ZNF334: variants seen among roughly 807,000 people sequenced by gnomAD.
ZNF334 encodes zinc finger protein 334.
In ZNF334, 14 loss-of-function variants were observed where a neutral mutation model predicts 12.4. That is an observed-to-expected ratio of 1.13 (90% confidence interval 0.74 to 1.76). The LOEUF (loss-of-function observed/expected upper bound fraction) is 1.76. Among genes scored for constraint, ZNF334 ranks in the 40% most tolerant of loss-of-function variants. The pLI is 0.00. For synonymous variants in ZNF334, 273 were observed against 269.6 expected, an observed-to-expected ratio of 1.01 and a Z score of -0.12; for missense variants, 797 against 804.5, an observed-to-expected ratio of 0.99 and a Z score of 0.11.
the ZNF334 span, among the ~76,000 whole-genome samples, chr20:46,478,392 G>C: frequency 6.6e-6 from 1 of 152,164 alleles, no homozygotes; most frequent in Non-Finnish European, 1.5e-5. Flanking sequence ...ACTGGCAATT[G>C]GTTGAAAGGA....
At chr20:46,504,999 T>C (rs778556574) in intron 2 of ZNF334, 2 of 322,590 alleles carry the variant, frequency 6.2e-6, no homozygotes, top group South Asian at 1.2e-4. Flanking sequence ...TCTTACTCTT[T>C]AGGAGCATAC....
intron 2 of ZNF334, among the ~76,000 whole-genome samples, chr20:46,509,002 T>A (rs971599460): frequency 6.6e-6 from 1 of 152,198 alleles, no homozygotes; most frequent in Admixed American, 6.5e-5. Flanking sequence ...CAAATGGCAA[T>A]GCTATGTACA....
chr20:46,483,589 A>G, the ZNF334 span, among the ~76,000 whole-genome samples: 1 of 152,178 alleles, frequency 6.6e-6, no homozygotes, highest in African/African-American at 2.4e-5. Context: ...ACTAAGGGAT[A>G]TTCAGTTATT....
intron 2 of ZNF334, 50 bp downstream of exon 2, chr20:46,512,032 C>T (rs775569697): frequency 1.3e-6 from 2 of 1,592,946 alleles, no homozygotes; most frequent in East Asian, 4.5e-5. Flanking sequence ...TACTCTAAAC[C>T]TCTTGAAATT....
At chr20:46,468,532 G>A in the ZNF334 span, among the ~76,000 whole-genome samples, 34 of 151,430 alleles carry the variant, frequency 2.2e-4, no homozygotes, top group Non-Finnish European at 3.8e-4. Flanking sequence ...TGATTCACCC[G>A]CCTCAGCCTC....
chr20:46,488,422 TATATA>T, the ZNF334 span, among the ~76,000 whole-genome samples: 1 of 118,670 alleles, frequency 8.4e-6, no homozygotes. Flanking sequence ...TCTTATTTTA[TATATA>T]TATATATATA....
At chr20:46,487,089 C>T in the ZNF334 span, among the ~76,000 whole-genome samples, 1 of 152,190 alleles carries the variant, frequency 6.6e-6, no homozygotes, top group Admixed American at 6.5e-5. Flanking sequence ...TCTGGGGCTT[C>T]TCTTGATCAG....
At chr20:46,486,724 A>G in the ZNF334 span, among the ~76,000 whole-genome samples, 1 of 151,834 alleles carries the variant, frequency 6.6e-6, no homozygotes, top group Non-Finnish European at 1.5e-5. Context: ...TAGTTTGACA[A>G]AACGTACCCA....
chr20:46,466,136 T>C, the ZNF334 span, among the ~76,000 whole-genome samples: 4 of 151,984 alleles, frequency 2.6e-5, no homozygotes, highest in Non-Finnish European at 5.9e-5. Flanking sequence ...AATATAGAGA[T>C]AATATAAAAA....
At chr20:46,506,662 A>G (rs1601049620) in intron 2 of ZNF334, 1 of 250,874 alleles carries the variant, frequency 4.0e-6, no homozygotes, top group East Asian at 7.2e-5. Context: ...ATGTGAAAAA[A>G]AATTATGGAA....
At chr20:46,487,939 T>G in the ZNF334 span, among the ~76,000 whole-genome samples, 1 of 152,166 alleles carries the variant, frequency 6.6e-6, no homozygotes, top group African/African-American at 2.4e-5. Flanking sequence ...CCTGGCAATG[T>G]CTGGGTGATC....
chr20:46,473,494 CTAACTA>C, the ZNF334 span, among the ~76,000 whole-genome samples: 2 of 152,188 alleles, frequency 1.3e-5, no homozygotes, highest in African/African-American at 4.8e-5. Flanking sequence ...AAGAACTGCT[CTAACTA>C]TACCTTGATA....
At chr20:46,493,090 GAA>G in the ZNF334 span, among the ~76,000 whole-genome samples, 150 of 141,992 alleles carry the variant, frequency 1.1e-3, 1 homozygote, top group Middle Eastern at 3.5e-3. Flanking sequence ...TCTGTCTTTA[GAA>G]AAAAAAAAAA....
chr20:46,509,732 G>A, intron 2 of ZNF334: 1 of 697,462 alleles, frequency 1.4e-6, no homozygotes, highest in South Asian at 1.5e-5. Flanking sequence ...ACACCTCATG[G>A]TGTGTGGTTT....
intron 2 of ZNF334, among the ~76,000 whole-genome samples, chr20:46,507,414 T>C (rs1014053663): frequency 2.6e-5 from 4 of 152,108 alleles, no homozygotes; most frequent in Non-Finnish European, 5.9e-5. Flanking sequence ...GGTTGGATCC[T>C]TGAACTGAAA....
At chr20:46,474,354 G>A in the ZNF334 span, 6 of 149,968 alleles carry the variant, frequency 4.0e-5, no homozygotes, top group South Asian at 4.3e-4. Context: ...CATTCCAGCT[G>A]GGGCAACAGA....
At chr20:46,468,526 T>C in the ZNF334 span, among the ~76,000 whole-genome samples, 1 of 151,922 alleles carries the variant, frequency 6.6e-6, no homozygotes, top group African/African-American at 2.4e-5. Context: ...CTCAGGTGAT[T>C]CACCCGCCTC....
rs537567233 is a variant in ZNF334, at chr20:46,513,104, C to A, written c.-603G>T. 7 of 152,392 alleles carry A rather than the reference C, an allele frequency of 4.6e-5. No individual in the cohort carries two copies. Among genetic ancestry groups the A allele is most frequent in the African/African-American group, 1.7e-4 (7 of 41,564 alleles). 9.4% of individuals were successfully genotyped at this position (152,392 alleles called of 1,614,324 possible). A position where few individuals can be genotyped will look rare whatever the true frequency, so the allele number is the denominator to read the frequency against. ...TGACCCTGCCCATTCCAGCTCACAT[C>A]CTTCTTCCGAAAGTTGAACTGAACT... is the stretch of plus-strand genomic sequence containing the variant. On this transcript the variant is annotated 5_prime_UTR_variant, in exon 1 of 5. Transcript: ENST00000692313.
chr20:46,510,081 C>A (rs1025117917), intron 2 of ZNF334, among the ~76,000 whole-genome samples: 1 of 152,136 alleles, frequency 6.6e-6, no homozygotes, highest in African/African-American at 2.4e-5. Context: ...GTGGTAGGAA[C>A]TGAGAAGAGG....
Sources: allele counts gnomAD v4.1 joint callset (sites outside exome capture counted in the v4.1 genomes callset), GRCh38; gene constraint gnomAD v4.1.1; transcripts MANE v1.5; gene names NCBI Gene and HGNC (gene_info 2026-07-23, HGNC 2026-07-21).